DLGAP1: variants seen among roughly 807,000 people sequenced by gnomAD.
DLGAP1 encodes the protein disks large-associated protein 1.
DLGAP1 carries 11 observed loss-of-function variants against 90.8 expected under a neutral mutation model. The ratio of observed to expected loss-of-function variants is 0.12; its 90% CI spans 0.08 to 0.20. The LOEUF is 0.20. Among genes scored for constraint, DLGAP1 ranks in the 10% least tolerant of loss-of-function variants. The probability of loss-of-function intolerance (pLI) is 1.00; values close to 1 mark genes in which losing one functional copy is unlikely to be tolerated. For missense variants in DLGAP1, 1,050 were observed against 1,333.8 expected (o/e 0.79, Z 3.31); for synonymous variants, 558 against 540.7 (o/e 1.03, Z -0.44).
intron 9 of DLGAP1, among the ~76,000 whole-genome samples, chr18:3,551,158 C>CATATATAT (rs1275015577): frequency 0.24 from 1,830 of 7,712 alleles, 95 homozygotes; most frequent in African/African-American, 0.25. Flanking sequence ...ATATTATATA[C>CATATATAT]ATATATATAT....
intron 1 of DLGAP1, among the ~76,000 whole-genome samples, chr18:4,306,039 C>CACAA (rs2080249428): frequency 5.3e-5 from 1 of 18,842 alleles, no homozygotes; most frequent in Admixed American, 1.1e-3. Flanking sequence ...CAAATACACA[C>CACAA]ACACACACAC....
intron 7 of DLGAP1, among the ~76,000 whole-genome samples, chr18:3,673,550 T>C (rs1238122288): frequency 6.6e-6 from 1 of 152,174 alleles, no homozygotes; most frequent in East Asian, 1.9e-4. Context: ...AGGAGGATGA[T>C]TGCAACTCTT....
chr18:4,265,889 T>C (rs562426288), intron 1 of DLGAP1, among the ~76,000 whole-genome samples: 1 of 151,852 alleles, frequency 6.6e-6, no homozygotes, highest in African/African-American at 2.4e-5. Context: ...GGTTTCCCTA[T>C]GCTGCCCAGG....
chr18:4,262,290 G>T (rs73942755), intron 1 of DLGAP1, among the ~76,000 whole-genome samples: 6,689 of 152,254 alleles, frequency 0.044, 173 homozygotes, highest in African/African-American at 0.061. Context: ...CCTTAATTAA[G>T]AAAGTAAAAG....
intron 3 of DLGAP1, among the ~76,000 whole-genome samples, chr18:3,899,940 G>A (rs796721560): frequency 5.3e-5 from 8 of 152,192 alleles, no homozygotes; most frequent in African/African-American, 1.7e-4. Flanking sequence ...GTTGATTTTT[G>A]TTTAGACCCT....
chr18:4,413,060 C>T (rs1308814254), intron 1 of DLGAP1, among the ~76,000 whole-genome samples: 1 of 152,124 alleles, frequency 6.6e-6, no homozygotes, highest in Non-Finnish European at 1.5e-5. Context: ...TACTCCCTGC[C>T]CAACTGTGAT....
At chr18:4,192,534 G>A (rs996698710) in intron 1 of DLGAP1, among the ~76,000 whole-genome samples, 2 of 152,098 alleles carry the variant, frequency 1.3e-5, no homozygotes, top group Admixed American at 6.5e-5. Context: ...ACCCTGCTCC[G>A]AAAGGTATGC....
chr18:3,714,011 T>C (rs1291274374), intron 7 of DLGAP1, among the ~76,000 whole-genome samples: 1 of 152,228 alleles, frequency 6.6e-6, no homozygotes, highest in Non-Finnish European at 1.5e-5. Context: ...GGAAGCCGAC[T>C]TGATCAACCA....
intron 1 of DLGAP1, among the ~76,000 whole-genome samples, chr18:4,402,250 A>G (rs1368001559): frequency 6.6e-6 from 1 of 152,228 alleles, no homozygotes; most frequent in African/African-American, 2.4e-5. Context: ...TTAGGACATT[A>G]AGATGCATAA....
chr18:3,715,612 T>C (rs2061736438), intron 7 of DLGAP1, among the ~76,000 whole-genome samples: 1 of 152,226 alleles, frequency 6.6e-6, no homozygotes, highest in African/African-American at 2.4e-5. Context: ...TCGAGAGCAC[T>C]TTCCCTTTCT....
rs1221093499 is a variant in DLGAP1 at position 4,454,844 on chromosome 18, A to G, written c.-267+162T>C. ...ACCCCGGGCGGCTGAAAGGGTAAGGAGCGCGGACTCTCGAGCCAGCGGCCG... is the reference window on the plus strand; with the variant it reads ...ACCCCGGGCGGCTGAAAGGGTAAGGGGCGCGGACTCTCGAGCCAGCGGCCG... On this transcript the variant is annotated intron_variant, in intron 1 of 12. Coordinates refer to ENST00000315677, the MANE Select transcript of DLGAP1 (RefSeq NM_004746.4). The surrounding 1 kb of genome is among the most constrained non-coding windows in gnomAD (Gnocchi z 4.7). Among the ~76,000 whole-genome samples, 17 of 151,008 alleles carry G rather than the reference A, an allele frequency of 1.1e-4. 1 individual carries two copies. In the East Asian group the frequency reaches 3.0e-3, roughly 27 times the overall value.
At chr18:4,031,246 C>T (rs1482775356) in intron 2 of DLGAP1, among the ~76,000 whole-genome samples, 5 of 151,452 alleles carry the variant, frequency 3.3e-5, no homozygotes, top group African/African-American at 1.2e-4. Flanking sequence ...ATGTGTTGAG[C>T]AAAGTCTGGT....
At chr18:4,237,701 AG>A (rs1226536272) in intron 1 of DLGAP1, among the ~76,000 whole-genome samples, 2 of 152,108 alleles carry the variant, frequency 1.3e-5, no homozygotes, top group Admixed American at 1.3e-4. Context: ...AAAAAAAAAA[AG>A]GAAGCAATTT....
intron 1 of DLGAP1, among the ~76,000 whole-genome samples, chr18:4,280,017 AT>A (rs1415882513): frequency 1.3e-5 from 2 of 152,040 alleles, no homozygotes; most frequent in African/African-American, 4.8e-5. Context: ...ATCTTAAGCT[AT>A]TTTCTTGCAG....
chr18:3,673,997 C>T (rs1024431475), intron 7 of DLGAP1, among the ~76,000 whole-genome samples: 6 of 151,996 alleles, frequency 3.9e-5, no homozygotes, highest in Non-Finnish European at 7.4e-5. Context: ...CACCCACCAC[C>T]ACACCCAGCT....
intron 3 of DLGAP1, among the ~76,000 whole-genome samples, chr18:3,909,233 G>T (rs572521557): frequency 6.6e-6 from 1 of 152,278 alleles, no homozygotes; most frequent in South Asian, 2.1e-4. Context: ...TCCTAAGTGA[G>T]ACTTTCTACC....
chr18:3,557,059 A>C (rs986479983), intron 9 of DLGAP1, among the ~76,000 whole-genome samples: 76 of 151,880 alleles, frequency 5.0e-4, no homozygotes, highest in African/African-American at 1.5e-3. Context: ...AATTTTATTT[A>C]TTTCTTTTAT....
chr18:4,265,689 C>A (rs1022555278), intron 1 of DLGAP1, among the ~76,000 whole-genome samples: 14 of 124,704 alleles, frequency 1.1e-4, no homozygotes, highest in Non-Finnish European at 1.6e-5. Flanking sequence ...TCCTTCCTTC[C>A]TTCCTTCCTT....
chr18:4,396,747 A>T (rs920635192), intron 1 of DLGAP1, among the ~76,000 whole-genome samples: 4 of 152,214 alleles, frequency 2.6e-5, no homozygotes, highest in Non-Finnish European at 5.9e-5. Flanking sequence ...GTGAGCCAGA[A>T]GGAGGGATGA....
Sources: allele counts gnomAD v4.1 joint callset (sites outside exome capture counted in the v4.1 genomes callset), GRCh38; gene constraint gnomAD v4.1.1; non-coding constraint Gnocchi (gnomAD v3.1); transcripts MANE v1.5; gene names NCBI Gene and HGNC (gene_info 2026-07-23, HGNC 2026-07-21).